POLR3C: variants seen among roughly 807,000 people sequenced by gnomAD.
POLR3C encodes RNA polymerase III subunit C, also known as DNA-directed RNA polymerase III subunit RPC3.
A neutral mutation model predicts 65.9 loss-of-function variants in POLR3C; 44 were observed. The observed-to-expected ratio is 0.67, with a 90% confidence interval of 0.52 to 0.86. The LOEUF (loss-of-function observed/expected upper bound fraction) is 0.86, where lower values mean the gene tolerates loss of function less well. POLR3C is among the 40% of genes least tolerant of loss of function. The pLI is 0.00. For synonymous variants in POLR3C, 263 were observed against 231.6 expected (o/e 1.14, Z -1.23); for missense variants, 576 against 653.2 (o/e 0.88, Z 1.29).
In POLR3C at chr1:145,843,678, CTA is replaced by C. The variant is rs1652453671; in HGVS notation, c.*1260_*1261del. Among the ~76,000 whole-genome samples, 1 of 152,018 alleles carries C rather than the reference CTA, an allele frequency of 6.6e-6. No homozygotes were observed. Among genetic ancestry groups the C allele is most frequent in the Non-Finnish European group, 1.5e-5 (1 of 68,018 alleles). ...GGGTGCTACAGTAGAAGAGTAAACACTATGTACAGAGAGGCCAGAAAGGGAAA... is the reference window on the plus strand; with the variant it reads ...GGGTGCTACAGTAGAAGAGTAAACACTGTACAGAGAGGCCAGAAAGGGAAA... On this transcript the variant is annotated 3_prime_UTR_variant, in exon 15 of 15. Transcript: ENST00000334163.
chr1:145,826,897 C>G lies in POLR3C; in HGVS notation c.481C>G (p.Pro161Ala). 6.2e-7 allele frequency: 1 copy of G among 1,613,194 alleles called. No homozygotes were observed. The highest frequency in any genetic ancestry group is 8.5e-7 in the Non-Finnish European group (1 of 1,179,684). Reference sequence around the variant, plus strand: ...AGACACACACTTTGTACAACGCTGCCCTTCGGTACCTACCACTGAGAATTC... The same window carrying G: ...AGACACACACTTTGTACAACGCTGCGCTTCGGTACCTACCACTGAGAATTC... Reference protein sequence around the residue: ...LADTHFVQRCPSVPTTENSDP... With the variant: ...LADTHFVQRCASVPTTENSDP... Residue 161 changes from proline to alanine, a missense_variant, in exon 4 of 15, where the codon CCT becomes GCT. Coordinates refer to ENST00000334163, the MANE Select transcript of POLR3C (RefSeq NM_006468.8).
At position 145,842,529 on chromosome 1, in the gene POLR3C, A is replaced by AC. The variant is rs1652371150; in HGVS notation, c.*115dup. 1 of 781,912 alleles carries AC rather than the reference A, an allele frequency of 1.3e-6. No individual in the cohort carries two copies. The highest frequency in any genetic ancestry group is 1.9e-5 in the Admixed American group (1 of 54,008). The allele number at this position is 781,912 out of a possible 1,614,324, so 48.4% of individuals were successfully genotyped here. ...GATAAGTCGCAGAGTCTTCAACTAA[A>AC]CCCCCCTCTCTATCCCCTGCAGCCC... On this transcript the variant is annotated 3_prime_UTR_variant, in exon 15 of 15. Transcript: ENST00000334163.
intron 7 of POLR3C, 49 bp from the exon 8 acceptor site, chr1:145,836,445 C>T: frequency 9.9e-7 from 1 of 1,005,356 alleles, no homozygotes. Context: ...TCAGTAAGGT[C>T]AGGAGTTCTA....
Position 145,836,586 on chromosome 1 carries a change from T to G in POLR3C, c.957+12T>G. On this transcript the variant is annotated intron_variant, in intron 8 of 14. Coordinates refer to ENST00000334163, the MANE Select transcript of POLR3C (RefSeq NM_006468.8). ...TGGCAGATGATCCAGTAAGTCTGTT[T>G]TTGCTTTTTTTCTTTTTTCTTTAGC... 1.3e-6 allele frequency: 2 copies of G among 1,559,914 alleles called. No homozygotes were observed. The highest frequency in any genetic ancestry group is 1.8e-6 in the Non-Finnish European group (2 of 1,130,720).
rs781878868 is a variant in POLR3C, at chr1:145,833,380, G to A, written c.783+16G>A. Reference sequence around the variant, plus strand: ...GATGGACCAGGTAATACCTAAGTGGGTCTGTCATTGGTCATCAGGGACATT... The same window carrying A: ...GATGGACCAGGTAATACCTAAGTGGATCTGTCATTGGTCATCAGGGACATT... On this transcript the variant is annotated intron_variant, in intron 6 of 14. Coordinates refer to ENST00000334163, the MANE Select transcript of POLR3C (RefSeq NM_006468.8). 21 of 1,567,636 alleles carry A rather than the reference G, an allele frequency of 1.3e-5. No homozygotes were observed. The South Asian group carries it at 2.1e-4, about 16-fold the overall frequency.
At chr1:145,836,676 T>A (rs898752399) in intron 8 of POLR3C, 102 bp downstream of exon 8, 4 of 944,258 alleles carry the variant, frequency 4.2e-6, no homozygotes, top group South Asian at 1.3e-5. Context: ...AGTTATTCTC[T>A]ACCTAGCCAG....
chr1:145,828,756 T>C lies in POLR3C; in HGVS notation c.597T>C (p.Gly199=). 1 of 1,604,772 alleles carries C rather than the reference T, an allele frequency of 6.2e-7. No homozygotes were observed. Among genetic ancestry groups the C allele is most frequent in the Non-Finnish European group, 8.5e-7 (1 of 1,171,672 alleles). The change falls in exon 5 of 15, where the codon GGT becomes GGC. Residue 199 remains glycine (G), a synonymous_variant. Transcript: ENST00000334163. ...TAATTGTTTGTTTGGCAGGGAAAGG[T>C]AAAAGGAGGAGATCATCTGATGAAG... ...LVPKLSLIGK[G]KRRRSSDEDA... is the part of the protein sequence containing the mutation.
intron 10 of POLR3C, 97 bp downstream of exon 10, chr1:145,837,693 G>A: frequency 1.2e-6 from 1 of 833,978 alleles, no homozygotes; most frequent in Non-Finnish European, 2.1e-6. Context: ...CCACACCTTG[G>A]CATACTTTTC....
Position 145,839,935 on chromosome 1 carries a change from T to G in POLR3C, c.1267T>G (p.Leu423Val), listed in dbSNP as rs781949343. 10 of 1,612,230 alleles carry G rather than the reference T, an allele frequency of 6.2e-6. No individual in the cohort carries two copies. The South Asian group carries it at 1.1e-4, about 18-fold the overall frequency. The stretch of plus-strand genomic sequence containing the variant: ...CCATGCCCCATCCAGGACCTTCTAT[T>G]TATATACTGTGAACATCCTGTCAGC... ...PDHAPSRTFY[L>V]YTVNILSAAR... Residue 423 changes from leucine (L) to valine (V), a missense_variant, in exon 12 of 15, where the codon TTA (leucine) becomes GTA (valine). Leu to Val is a conservative substitution (Grantham distance 32, BLOSUM62 1). Transcript: ENST00000334163.
rs900339972 is a variant in POLR3C at position 145,841,007 on chromosome 1, A to G, written c.1459A>G (p.Ile487Val). The change falls in exon 14 of 15, where the codon ATA (isoleucine) becomes GTA (valine). Residue 487 changes from isoleucine to valine, a missense_variant. Transcript: ENST00000334163. ...TGAEEAQLQE[I>V]EEMITAPERQ... ...TGCAGAGGAAGCACAGTTACAAGAA[A>G]TAGAGGAGATGATCACAGCTCCTGA... is the stretch of plus-strand genomic sequence containing the variant. 1 of 1,613,250 alleles carries G rather than the reference A, an allele frequency of 6.2e-7. No individual in the cohort carries two copies. Among genetic ancestry groups the G allele is most frequent in the Admixed American group, 1.7e-5 (1 of 60,004 alleles).
chr1:145,834,864 G>T (rs1385177425), intron 7 of POLR3C, among the ~76,000 whole-genome samples: 1 of 151,972 alleles, frequency 6.6e-6, no homozygotes, highest in Non-Finnish European at 1.5e-5. Context: ...CTATGGCCAG[G>T]TGCAGTGACT....
intron 11 of POLR3C, 186 bp from the exon 12 acceptor site, chr1:145,839,704 C>A: frequency 1.8e-6 from 1 of 549,706 alleles, no homozygotes. Flanking sequence ...GCACTCCATC[C>A]TAGGTAACAG....
intron 4 of POLR3C, among the ~76,000 whole-genome samples, chr1:145,827,930 G>GA (rs199510413): frequency 1.6e-4 from 24 of 147,572 alleles, no homozygotes; most frequent in Middle Eastern, 7.0e-3. Context: ...TCTGTCTCGG[G>GA]AAAAAAAAAA....
chr1:145,840,474 A>T, intron 13 of POLR3C: 1 of 326,790 alleles, frequency 3.1e-6, no homozygotes, highest in Non-Finnish European at 5.8e-6. Flanking sequence ...CAGTGAGTGG[A>T]GGTTGCAGTG....
intron 11 of POLR3C, among the ~76,000 whole-genome samples, chr1:145,839,142 G>A (rs1282759883): frequency 2.0e-5 from 3 of 152,030 alleles, no homozygotes; most frequent in Admixed American, 6.6e-5. Context: ...GTGGTGCCGT[G>A]TGTCTGTAAT....
chr1:145,828,824 C>CT lies in POLR3C; in HGVS notation c.665_666insT (p.Asp223ArgfsTer2). 2 of 1,576,922 alleles carry CT rather than the reference C, an allele frequency of 1.3e-6. No homozygotes were observed. The highest frequency in any genetic ancestry group is 1.7e-6 in the Non-Finnish European group (2 of 1,146,110). ...AAGGCCAAGAGACCAAAATATACTA[C>CT]AGATAACAAGGAGGTAATGGGGCTT... On this transcript the variant is annotated frameshift_variant, in exon 5 of 15. Transcript: ENST00000334163. LOFTEE classifies it high-confidence loss of function.
chr1:145,839,383 A>G (rs1652109297), intron 11 of POLR3C: 2 of 152,792 alleles, frequency 1.3e-5, no homozygotes, highest in South Asian at 4.1e-4. Flanking sequence ...CAGGATGCTG[A>G]CAGTCAAATG....
rs782794137 is a variant in POLR3C at position 145,837,572 on chromosome 1, C to T, written c.1046C>T (p.Thr349Ile). ...HKALASLATA[T>I]LESVVQERFG... Reference sequence around the variant, plus strand: ...GCATTAGCATCCCTAGCCACAGCCACTCTGGAGTCCGTCGTACAGGAGAGG... The same window carrying T: ...GCATTAGCATCCCTAGCCACAGCCATTCTGGAGTCCGTCGTACAGGAGAGG... Residue 349 changes from threonine (T) to isoleucine (I), a missense_variant, in exon 10 of 15, where the codon ACT becomes ATT. Coordinates refer to ENST00000334163, the MANE Select transcript of POLR3C (RefSeq NM_006468.8). 3.7e-6 allele frequency: 6 copies of T among 1,608,416 alleles called. No individual in the cohort carries two copies. The Admixed American group carries it at 1.0e-4, about 27-fold the overall frequency.
At chr1:145,824,558 A>G in intron 1 of POLR3C, 189 bp downstream of exon 1, 1 of 1,284,664 alleles carries the variant, frequency 7.8e-7, no homozygotes, top group Non-Finnish European at 1.0e-6. Flanking sequence ...GTCTCTGGTG[A>G]TACTGAGGCG....
Sources: allele counts gnomAD v4.1 joint callset (sites outside exome capture counted in the v4.1 genomes callset), GRCh38; gene constraint gnomAD v4.1.1; transcripts MANE v1.5; gene names NCBI Gene and HGNC (gene_info 2026-07-23, HGNC 2026-07-21).